The following KCNH1 variants were observed in gnomAD, a reference collection of about 807,000 sequenced individuals.
KCNH1 encodes the protein potassium voltage-gated channel subfamily H member 1.
Under a neutral mutation model 69.2 loss-of-function variants are expected in KCNH1, and 27 were observed. The observed-to-expected ratio is 0.39, with a 90% confidence interval of 0.29 to 0.54. KCNH1 has a LOEUF of 0.54. Among genes scored for constraint, KCNH1 ranks in the 20% least tolerant of loss-of-function variants. The pLI, the probability that KCNH1 is intolerant of heterozygous loss-of-function variation, is 0.68. For synonymous variants in KCNH1, 456 were observed against 487.7 expected, an observed-to-expected ratio of 0.93 and a Z score of 0.86; for missense variants, 798 against 1,261.6, an observed-to-expected ratio of 0.63 and a Z score of 5.57.
rs1271206763 is a variant in KCNH1 at position 211,061,543 on chromosome 1, T to C, written c.558+21237A>G. ...AAAGGAAGAAGTCATTGTTTGCAGATGACATAATCTTAAATTTGGAAAAAA... is the reference window on the plus strand; with the variant it reads ...AAAGGAAGAAGTCATTGTTTGCAGACGACATAATCTTAAATTTGGAAAAAA... On this transcript the variant is annotated intron_variant, in intron 5 of 10. Transcript: ENST00000271751. Among the ~76,000 whole-genome samples, 4 of 152,160 alleles carry C rather than the reference T, an allele frequency of 2.6e-5. No individual in the cohort carries two copies. The East Asian group carries it at 7.7e-4, about 29-fold the overall frequency.
intron 5 of KCNH1, among the ~76,000 whole-genome samples, chr1:211,043,650 C>G (rs1690042984): frequency 6.6e-6 from 1 of 152,104 alleles, no homozygotes; most frequent in Non-Finnish European, 1.5e-5. Flanking sequence ...AAGACTACTA[C>G]AGGCCAATAT....
At chr1:210,781,352 G>T (rs779201913) in intron 9 of KCNH1, among the ~76,000 whole-genome samples, 1 of 152,076 alleles carries the variant, frequency 6.6e-6, no homozygotes, top group Non-Finnish European at 1.5e-5. Context: ...AGTAAGGGTT[G>T]CCCTCCTCCC....
intron 7 of KCNH1, among the ~76,000 whole-genome samples, chr1:210,844,682 G>T (rs1685498849): frequency 6.6e-6 from 1 of 152,094 alleles, no homozygotes; most frequent in African/African-American, 2.4e-5. Flanking sequence ...AAAAGCAAGA[G>T]CAAACACATT....
intron 7 of KCNH1, among the ~76,000 whole-genome samples, chr1:210,917,229 G>GAGAGAGAGAGAGAA (rs1430374011): frequency 1.3e-4 from 10 of 78,866 alleles, no homozygotes; most frequent in African/African-American, 4.2e-4. Context: ...GAGAGAGAGA[G>GAGAGAGAGAGAGAA]AGAAAGAAAG....
At position 211,078,360 on chromosome 1, in the gene KCNH1, C is replaced by G. The variant is rs189195513; in HGVS notation, c.558+4420G>C. Among the ~76,000 whole-genome samples, 26 of 152,240 alleles carry G rather than the reference C, an allele frequency of 1.7e-4. No homozygotes were observed. In the East Asian group the frequency reaches 4.5e-3, roughly 26 times the overall value. ...CATACTTATTCCAAAATTGACCACA[C>G]AGTTGGAAGTAAAGCACTCCTCAGC... On this transcript the variant is annotated intron_variant, in intron 5 of 10. Coordinates refer to ENST00000271751, the MANE Select transcript of KCNH1 (RefSeq NM_172362.3).
chr1:210,874,398 C>G (rs544166287), intron 7 of KCNH1, among the ~76,000 whole-genome samples: 25 of 152,332 alleles, frequency 1.6e-4, no homozygotes, highest in African/African-American at 6.0e-4. Context: ...TATGACTAAG[C>G]AGGACTTACC....
intron 7 of KCNH1, chr1:210,858,434 AT>A (rs1245211028): frequency 6.6e-6 from 1 of 152,132 alleles, no homozygotes; most frequent in African/African-American, 2.4e-5. Flanking sequence ...TTGCTAGTTC[AT>A]TTTTAAATTA....
chr1:211,002,474 G>T (rs950450933), intron 6 of KCNH1, among the ~76,000 whole-genome samples: 2 of 151,388 alleles, frequency 1.3e-5, no homozygotes, highest in African/African-American at 2.4e-5. Flanking sequence ...GCAATCTGTG[G>T]GAAAACTAAG....
At chr1:210,881,016 TA>T (rs60765878) in intron 7 of KCNH1, among the ~76,000 whole-genome samples, 33,105 of 138,584 alleles carry the variant, frequency 0.24, 3,974 homozygotes, top group African/African-American at 0.3. Context: ...AAAACAGTAA[TA>T]TTTTTTTTTT....
chr1:210,763,971 C>T (rs887567134), intron 10 of KCNH1, among the ~76,000 whole-genome samples: 1 of 151,866 alleles, frequency 6.6e-6, no homozygotes, highest in African/African-American at 2.4e-5. Flanking sequence ...CTTCAAAGTA[C>T]ATTACGAGGT....
chr1:210,975,823 A>G (rs950060881), intron 6 of KCNH1, among the ~76,000 whole-genome samples: 1 of 152,046 alleles, frequency 6.6e-6, no homozygotes, highest in East Asian at 1.9e-4. Context: ...AACCTACAGA[A>G]TGGGAGAAAA....
chr1:210,958,696 C>G (rs1688232561), intron 6 of KCNH1, among the ~76,000 whole-genome samples: 1 of 152,186 alleles, frequency 6.6e-6, no homozygotes, highest in South Asian at 2.1e-4. Flanking sequence ...TCCACTTGAT[C>G]AAATTGGCTA....
At chr1:211,110,783 T>G (rs1404667700) in intron 1 of KCNH1, among the ~76,000 whole-genome samples, 1 of 152,088 alleles carries the variant, frequency 6.6e-6, no homozygotes, top group Non-Finnish European at 1.5e-5. Flanking sequence ...ATAATTATAT[T>G]AGGAGGAGGG....
chr1:210,717,199 C>T (rs774419793), intron 10 of KCNH1, among the ~76,000 whole-genome samples: 1 of 152,202 alleles, frequency 6.6e-6, no homozygotes, highest in South Asian at 2.1e-4. Flanking sequence ...AAGAGCTAGG[C>T]CCTCAGCTAG....
chr1:210,727,381 T>C (rs868800196), intron 10 of KCNH1, among the ~76,000 whole-genome samples: 1 of 152,142 alleles, frequency 6.6e-6, no homozygotes, highest in Non-Finnish European at 1.5e-5. Flanking sequence ...CATATTTTGA[T>C]AGCGATACAG....
intron 7 of KCNH1, among the ~76,000 whole-genome samples, chr1:210,881,991 A>C (rs1192313013): frequency 6.6e-6 from 1 of 152,202 alleles, no homozygotes; most frequent in African/African-American, 2.4e-5. Flanking sequence ...CATAGAAGGT[A>C]CAACACCAAG....
At chr1:210,984,156 T>G (rs1225366438) in intron 6 of KCNH1, among the ~76,000 whole-genome samples, 1 of 152,220 alleles carries the variant, frequency 6.6e-6, no homozygotes, top group African/African-American at 2.4e-5. Flanking sequence ...TCTATCAGCT[T>G]AAGGAGATTT....
intron 4 of KCNH1, 106 bp downstream of exon 4, chr1:211,090,456 G>C (rs1268097115): frequency 5.3e-6 from 5 of 948,034 alleles, no homozygotes; most frequent in Admixed American, 5.7e-5. Context: ...TTAGAATCTT[G>C]AGGTTTGTAA....
chr1:210,961,511 G>T (rs1688292442), intron 6 of KCNH1, among the ~76,000 whole-genome samples: 1 of 151,882 alleles, frequency 6.6e-6, no homozygotes, highest in Admixed American at 6.6e-5. Flanking sequence ...CACTTATTAT[G>T]CTCAGTCTTT....
Sources: allele counts gnomAD v4.1 joint callset (sites outside exome capture counted in the v4.1 genomes callset), GRCh38; gene constraint gnomAD v4.1.1; transcripts MANE v1.5; gene names NCBI Gene and HGNC (gene_info 2026-07-23, HGNC 2026-07-21).